The following MYO5B variants were observed in gnomAD, a reference collection of about 807,000 sequenced individuals.
MYO5B encodes unconventional myosin-Vb.
In MYO5B, 143 loss-of-function variants were observed where a neutral mutation model predicts 229.3. The observed-to-expected ratio is 0.62, with a 90% confidence interval of 0.54 to 0.72. MYO5B has a LOEUF of 0.72. Among genes scored for constraint, MYO5B ranks in the 30% least tolerant of loss-of-function variants. The pLI is 0.00. For synonymous variants in MYO5B, 918 were observed against 885.2 expected (o/e 1.04, Z -0.66); for missense variants, 2,321 against 2,331.0 (o/e 1.00, Z 0.09).
In MYO5B at chr18:49,895,161, T is replaced by C. The variant is rs2277716; in HGVS notation, c.2825A>G (p.Lys942Arg). ...CACGGACAACTGCTCTGAAAGTGTC[T>C]TGAACTCTTTGTTCTGTGGAGAACA... ...RKIDEQNKEFKTLSEQLSVTT... is the reference protein window; with the variant it reads ...RKIDEQNKEFRTLSEQLSVTT... Residue 942 changes from lysine (K) to arginine (R), a missense_variant, in exon 22 of 40, where the codon AAG (lysine) becomes AGG (arginine). By Grantham distance (26) the Lys-to-Arg change is conservative. Coordinates refer to ENST00000285039, the MANE Select transcript of MYO5B (RefSeq NM_001080467.3). 6.6e-5 allele frequency: 106 copies of C among 1,613,744 alleles called. 1 individual carries two copies. In the East Asian group the frequency reaches 2.2e-3, roughly 34 times the overall value.
At chr18:49,990,545 T>A (rs1199716294) in intron 6 of MYO5B, 25 bp from the exon 7 acceptor site, 1 of 1,596,556 alleles carries the variant, frequency 6.3e-7, no homozygotes, top group Non-Finnish European at 8.6e-7. Flanking sequence ...AGTGAAGCAG[T>A]TTTAGGGCAG....
At chr18:50,189,921 G>C (rs1262705186) in intron 1 of MYO5B, among the ~76,000 whole-genome samples, 1 of 152,116 alleles carries the variant, frequency 6.6e-6, no homozygotes, top group Non-Finnish European at 1.5e-5. Flanking sequence ...CTTAGTAAAG[G>C]CTCCTGGGTG....
intron 21 of MYO5B, among the ~76,000 whole-genome samples, chr18:49,898,486 G>A (rs1040829239): frequency 2.6e-5 from 4 of 152,206 alleles, no homozygotes; most frequent in Non-Finnish European, 5.9e-5. Context: ...GCAGAGAGCC[G>A]AGTTCACGGA....
At chr18:50,016,564 C>T (rs1197964367) in intron 4 of MYO5B, among the ~76,000 whole-genome samples, 1 of 152,180 alleles carries the variant, frequency 6.6e-6, no homozygotes, top group Non-Finnish European at 1.5e-5. Context: ...CCAATCTAGG[C>T]TAAAATGATA....
intron 17 of MYO5B, among the ~76,000 whole-genome samples, chr18:49,924,529 T>C (rs1221537794): frequency 6.6e-6 from 1 of 152,230 alleles, no homozygotes; most frequent in African/African-American, 2.4e-5. Flanking sequence ...GCCACAGCTC[T>C]GCAGTCTGGA....
intron 8 of MYO5B, among the ~76,000 whole-genome samples, chr18:49,983,045 T>G (rs1164127910): frequency 6.6e-6 from 1 of 152,170 alleles, no homozygotes; most frequent in Admixed American, 6.5e-5. Context: ...CTGTCAAGTC[T>G]GCTCCAAACC....
At chr18:50,128,210 G>A (rs1433753480) in intron 1 of MYO5B, among the ~76,000 whole-genome samples, 1 of 152,226 alleles carries the variant, frequency 6.6e-6, no homozygotes, top group Non-Finnish European at 1.5e-5. Context: ...TTGGCAGAGA[G>A]TAAAAGGGGA....
chr18:49,931,601 C>T (rs1044881050), intron 16 of MYO5B, among the ~76,000 whole-genome samples: 25 of 152,194 alleles, frequency 1.6e-4, no homozygotes, highest in African/African-American at 5.5e-4. Context: ...CCTGCTCACC[C>T]TCTCACTCCA....
intron 18 of MYO5B, among the ~76,000 whole-genome samples, chr18:49,909,613 C>T (rs996023432): frequency 6.6e-6 from 1 of 152,222 alleles, no homozygotes; most frequent in Admixed American, 6.5e-5. Flanking sequence ...ACAACAGGAC[C>T]CTTGTCATTT....
intron 1 of MYO5B, among the ~76,000 whole-genome samples, chr18:50,061,301 G>T (rs1257720925): frequency 1.3e-5 from 2 of 152,250 alleles, no homozygotes; most frequent in South Asian, 2.1e-4. Flanking sequence ...ACCTCGTGAA[G>T]TGTTCTAAGA....
rs79246946 is a variant in MYO5B at position 49,959,035 on chromosome 18, T to C, written c.1545+3231A>G. On this transcript the variant is annotated intron_variant, in intron 12 of 39. Transcript: ENST00000285039. Reference sequence around the variant, plus strand: ...GTGGACACGGCTTCTCATTCTCCCATGGTCCCTACTTTCCAACCTTACCTG... The same window carrying C: ...GTGGACACGGCTTCTCATTCTCCCACGGTCCCTACTTTCCAACCTTACCTG... 3.7e-4 allele frequency among the ~76,000 whole-genome samples: 56 copies of C among 152,286 alleles called. 1 individual carries two copies. The East Asian group carries it at 8.1e-3, about 22-fold the overall frequency.
intron 4 of MYO5B, among the ~76,000 whole-genome samples, chr18:50,018,537 A>G (rs2026240942): frequency 6.6e-6 from 1 of 152,170 alleles, no homozygotes; most frequent in Non-Finnish European, 1.5e-5. Context: ...ATAATAGCTA[A>G]CTCTCATATA....
At chr18:50,120,162 C>G (rs2032034360) in intron 1 of MYO5B, among the ~76,000 whole-genome samples, 1 of 152,222 alleles carries the variant, frequency 6.6e-6, no homozygotes, top group Non-Finnish European at 1.5e-5. Context: ...ACTTATCGAG[C>G]AGTGCTTTCA....
chr18:50,134,567 A>C (rs1436652921), intron 1 of MYO5B, among the ~76,000 whole-genome samples: 6 of 72,198 alleles, frequency 8.3e-5, no homozygotes, highest in Non-Finnish European at 1.5e-4. Flanking sequence ...TAAATAAATA[A>C]ATAAATAAAT....
At chr18:49,953,665 T>C (rs901375071) in intron 13 of MYO5B, among the ~76,000 whole-genome samples, 3 of 152,150 alleles carry the variant, frequency 2.0e-5, no homozygotes, top group African/African-American at 4.8e-5. Flanking sequence ...AGGTGATTCA[T>C]ACACACACTG....
intron 2 of MYO5B, among the ~76,000 whole-genome samples, chr18:50,048,150 G>A (rs1176111578): frequency 6.6e-6 from 1 of 150,958 alleles, no homozygotes. Flanking sequence ...CTGTTCTGCT[G>A]TGTCTCATTC....
intron 2 of MYO5B, among the ~76,000 whole-genome samples, chr18:50,048,267 A>T (rs950172580): frequency 6.6e-6 from 1 of 152,222 alleles, no homozygotes; most frequent in African/African-American, 2.4e-5. Flanking sequence ...CATGAAGCAC[A>T]GCACAGGCAC....
intron 1 of MYO5B, among the ~76,000 whole-genome samples, chr18:50,058,810 C>T (rs571451766): frequency 2.6e-5 from 4 of 151,826 alleles, no homozygotes; most frequent in East Asian, 1.9e-4. Context: ...GACTCTGTCT[C>T]GGAGAAAAAA....
At position 49,921,638 on chromosome 18, in the gene MYO5B, C is replaced by T. The variant is rs548169262; in HGVS notation, c.2090+7874G>A. Among the ~76,000 whole-genome samples, 11 of 152,300 alleles carry T rather than the reference C, an allele frequency of 7.2e-5. No homozygotes were observed. In the Middle Eastern group the frequency reaches 0.014, roughly 188 times the overall value. ...CCCGAGGGCAGGCTGAGGGAACACCCGGCAGCTACTGCTGTCCTGCAATGC... is the reference window on the plus strand; with the variant it reads ...CCCGAGGGCAGGCTGAGGGAACACCTGGCAGCTACTGCTGTCCTGCAATGC... On this transcript the variant is annotated intron_variant, in intron 17 of 39. Coordinates refer to ENST00000285039, the MANE Select transcript of MYO5B (RefSeq NM_001080467.3).
Sources: allele counts gnomAD v4.1 joint callset (sites outside exome capture counted in the v4.1 genomes callset), GRCh38; gene constraint gnomAD v4.1.1; transcripts MANE v1.5; gene names NCBI Gene and HGNC (gene_info 2026-07-23, HGNC 2026-07-21).